MAP3K4: variants seen among roughly 807,000 people sequenced by gnomAD.
MAP3K4 encodes the protein MAP three kinase 1.
In MAP3K4, 67 loss-of-function variants were observed where a neutral mutation model predicts 185.6. The observed-to-expected ratio is 0.36, with a 90% CI of 0.30 to 0.44. The LOEUF (loss-of-function observed/expected upper bound fraction) is 0.44. MAP3K4 is among the 20% of genes least tolerant of loss of function. The probability of loss-of-function intolerance (pLI) is 1.00; values close to 1 mark genes in which losing one functional copy is unlikely to be tolerated. For missense variants in MAP3K4, 1,551 were observed against 1,995.1 expected, an observed-to-expected ratio of 0.78 and a Z score of 4.24; for synonymous variants, 702 against 710.4, an observed-to-expected ratio of 0.99 and a Z score of 0.19.
rs968439991 is a variant in MAP3K4 at position 161,116,184 on chromosome 6, A to G, written c.4807-666A>G. Among the ~76,000 whole-genome samples, 2 of 148,292 alleles carry G rather than the reference A, an allele frequency of 1.3e-5. No homozygotes were observed. The highest frequency in any genetic ancestry group is 4.9e-5 in the African/African-American group (2 of 40,880). On this transcript the variant is annotated intron_variant, in intron 26 of 26. Coordinates refer to ENST00000392142, the MANE Select transcript of MAP3K4 (RefSeq NM_005922.4). The surrounding 1 kb of genome is among the most constrained non-coding windows in gnomAD (Gnocchi z 6.2). ...GGTCACAGACTCTATTTGCCAGGGT[A>G]GGGAAAGAAGCAGCTGGGTGAGGGG...
chr6:161,105,359 A>G (rs757019200), intron 19 of MAP3K4, among the ~76,000 whole-genome samples: 1 of 152,248 alleles, frequency 6.6e-6, no homozygotes, highest in Non-Finnish European at 1.5e-5. Context: ...GTATTATTTC[A>G]TGAAATCCTC....
intron 3 of MAP3K4, among the ~76,000 whole-genome samples, chr6:161,052,994 A>G (rs1225359957): frequency 6.6e-6 from 1 of 152,202 alleles, no homozygotes; most frequent in East Asian, 1.9e-4. Flanking sequence ...GTGAGGCTGA[A>G]AAAGATAGGC....
At chr6:161,010,407 A>G (rs1781791089) in intron 1 of MAP3K4, among the ~76,000 whole-genome samples, 1 of 152,208 alleles carries the variant, frequency 6.6e-6, no homozygotes, top group South Asian at 2.1e-4. Context: ...AAATTATCCA[A>G]TTATCCCTAT....
Position 161,106,979 on chromosome 6 carries a change from T to C in MAP3K4, c.4048+274T>C, listed in dbSNP as rs73013366. Among the ~76,000 whole-genome samples the C allele has an allele frequency of 2.9e-3, 448 of 152,028 alleles. 2 individuals are homozygous for C. Among genetic ancestry groups the C allele is most frequent in the Non-Finnish European group, 4.6e-3 (316 of 67,984 alleles). On this transcript the variant is annotated intron_variant, in intron 20 of 26. Coordinates refer to ENST00000392142, the MANE Select transcript of MAP3K4 (RefSeq NM_005922.4). This position sits in a 1 kb window ranked among gnomAD's most constrained non-coding sequence, Gnocchi z 4.9. ...TTCTTTTGCTTAATAACCCTGGAAT[T>C]TGCCAGTGGAGAGGTACCAAAATTT...
intron 1 of MAP3K4, among the ~76,000 whole-genome samples, chr6:160,992,973 T>C (rs1022614594): frequency 6.6e-6 from 1 of 152,124 alleles, no homozygotes; most frequent in Non-Finnish European, 1.5e-5. Context: ...GTAATGAAAA[T>C]ACCTCGGCAG....
chr6:161,016,018 A>G (rs1347158652), intron 1 of MAP3K4, among the ~76,000 whole-genome samples: 1 of 152,222 alleles, frequency 6.6e-6, no homozygotes, highest in Non-Finnish European at 1.5e-5. Flanking sequence ...AAATTCATGT[A>G]TAATGATTTC....
At chr6:161,104,087 T>C (rs1401504421) in intron 19 of MAP3K4, among the ~76,000 whole-genome samples, 3 of 152,202 alleles carry the variant, frequency 2.0e-5, no homozygotes, top group African/African-American at 7.2e-5. Context: ...GGAATTATGT[T>C]TCTCTTGTGA....
At chr6:161,060,421 T>C (rs1287342259) in intron 3 of MAP3K4, among the ~76,000 whole-genome samples, 1 of 152,174 alleles carries the variant, frequency 6.6e-6, no homozygotes, top group African/African-American at 2.4e-5. Flanking sequence ...TCCATGGATG[T>C]CATTAATGTA....
At position 161,116,341 on chromosome 6, in the gene MAP3K4, GGT is replaced by G. The variant is rs1778591048; in HGVS notation, c.4807-505_4807-504del. Among the ~76,000 whole-genome samples the G allele has an allele frequency of 6.6e-6, 1 of 152,048 alleles. No individual in the cohort carries two copies. The highest frequency in any genetic ancestry group is 1.5e-5 in the Non-Finnish European group (1 of 68,000). On this transcript the variant is annotated intron_variant, in intron 26 of 26. Transcript: ENST00000392142. This position sits in a 1 kb window ranked among gnomAD's most constrained non-coding sequence, Gnocchi z 6.2. ...CAAGAGGGATTTTGGGTAGGGCACA[GGT>G]GTGGGAGACAGAAGTATTGCTGGGA...
rs1778415684 is a variant in MAP3K4 at position 161,112,893 on chromosome 6, A to G, written c.4626+119A>G. ...CTGTGGACACTAAATAGCGAACGAT[A>G]TTAGATACAAAAATCTGATCCATCA... On this transcript the variant is annotated intron_variant, in intron 25 of 26. Coordinates refer to ENST00000392142, the MANE Select transcript of MAP3K4 (RefSeq NM_005922.4). The surrounding 1 kb of genome is among the most constrained non-coding windows in gnomAD (Gnocchi z 5.1). 7.4e-6 allele frequency: 4 copies of G among 539,144 alleles called. No homozygotes were observed. In the East Asian group the frequency reaches 9.7e-5, roughly 13 times the overall value. 33.4% of individuals were successfully genotyped at this position (539,144 alleles called of 1,614,324 possible).
Position 161,111,854 on chromosome 6 carries a change from C to G in MAP3K4, c.4415C>G (p.Thr1472Ser). ...RDIKGANIFLTSSGLIKLGDF... is the reference protein window; with the variant it reads ...RDIKGANIFLSSSGLIKLGDF... ...TTTTTAGGTGCCAATATCTTCCTTA[C>G]CTCATCTGGATTAATCAAACTGGGA... The change falls in exon 24 of 27, where the codon ACC becomes AGC. Residue 1472 changes from threonine to serine, a missense_variant. Physicochemically the swap from Thr to Ser is moderately conservative, Grantham distance 58. Coordinates refer to ENST00000392142, the MANE Select transcript of MAP3K4 (RefSeq NM_005922.4). 1.2e-6 allele frequency: 2 copies of G among 1,613,380 alleles called. No homozygotes were observed. Among genetic ancestry groups the G allele is most frequent in the Non-Finnish European group, 1.7e-6 (2 of 1,179,598 alleles).
Position 161,089,414 on chromosome 6 carries a change from G to C in MAP3K4, c.2916G>C (p.Leu972=). ...FQQSIEGLMT[L]CQEQTSSQPV... ...AGTCCATTGAGGGACTTATGACTCTGTGCCAGGAGCAGACATCCAGTCAGC... is the reference window on the plus strand; with the variant it reads ...AGTCCATTGAGGGACTTATGACTCTCTGCCAGGAGCAGACATCCAGTCAGC... Residue 972 remains leucine (L), a synonymous_variant, in exon 11 of 27, where the codon CTG becomes CTC. Coordinates refer to ENST00000392142, the MANE Select transcript of MAP3K4 (RefSeq NM_005922.4). 3.7e-6 allele frequency: 6 copies of C among 1,614,198 alleles called. No homozygotes were observed. The highest frequency in any genetic ancestry group is 5.1e-6 in the Non-Finnish European group (6 of 1,180,032).
At chr6:161,003,557 C>T (rs1562474287) in intron 1 of MAP3K4, among the ~76,000 whole-genome samples, 1 of 152,150 alleles carries the variant, frequency 6.6e-6, no homozygotes, top group Non-Finnish European at 1.5e-5. Flanking sequence ...TGCAAGGTAC[C>T]TGGCATAGTC....
Position 161,007,254 on chromosome 6 carries a change from A to G in MAP3K4, c.152+15171A>G, listed in dbSNP as rs1416929395. ...TGGCATCAAAACAAAGGAAAAATAC[A>G]GTGGACAGTTAAGTAGACGATTTTA... On this transcript the variant is annotated intron_variant, in intron 1 of 26. Coordinates refer to ENST00000392142, the MANE Select transcript of MAP3K4 (RefSeq NM_005922.4). This position sits in a 1 kb window ranked among gnomAD's most constrained non-coding sequence, Gnocchi z 4.5. Among the ~76,000 whole-genome samples the G allele has an allele frequency of 2.0e-5, 3 of 152,208 alleles. No homozygotes were observed. The highest frequency in any genetic ancestry group is 1.3e-4 in the Admixed American group (2 of 15,276).
rs1410304223 is a variant in MAP3K4, at chr6:161,091,916, G to GT, written c.3136-89dup. 1 of 1,076,632 alleles carries GT rather than the reference G, an allele frequency of 9.3e-7. No individual in the cohort carries two copies. The highest frequency in any genetic ancestry group is 2.2e-5 in the Admixed American group (1 of 45,284). 66.7% of individuals were successfully genotyped at this position (1,076,632 alleles called of 1,614,324 possible). ...AAATTTTAATTGGATTTCACTTTTT[G>GT]TTTTTAGAAAACATTTTAGACATGG... On this transcript the variant is annotated intron_variant, in intron 12 of 26. Transcript: ENST00000392142. The surrounding 1 kb of genome is among the most constrained non-coding windows in gnomAD (Gnocchi z 5.5).
intron 2 of MAP3K4, among the ~76,000 whole-genome samples, chr6:161,047,537 A>T (rs1267785479): frequency 6.6e-6 from 1 of 152,196 alleles, no homozygotes; most frequent in Non-Finnish European, 1.5e-5. Context: ...CAATGAAATA[A>T]ACTATGCCTT....
At position 161,101,731 on chromosome 6, in the gene MAP3K4, A is replaced by G; in HGVS notation, c.3675-161A>G. On this transcript the variant is annotated intron_variant, in intron 17 of 26. Coordinates refer to ENST00000392142, the MANE Select transcript of MAP3K4 (RefSeq NM_005922.4). The surrounding 1 kb of genome is among the most constrained non-coding windows in gnomAD (Gnocchi z 5.1). ...TTTCCGCTGCCCACTAGATGCCAGT[A>G]GCACCCTCCCAAAAGTGTCTAATAC... 1 of 609,632 alleles carries G rather than the reference A, an allele frequency of 1.6e-6. No individual in the cohort carries two copies. Among genetic ancestry groups the G allele is most frequent in the Non-Finnish European group, 2.9e-6 (1 of 346,756 alleles). The allele number at this position is 609,632 out of a possible 1,614,324, so 37.8% of individuals were successfully genotyped here.
intron 1 of MAP3K4, among the ~76,000 whole-genome samples, chr6:161,028,938 C>G (rs533060526): frequency 7.6e-4 from 116 of 152,272 alleles, no homozygotes; most frequent in African/African-American, 2.6e-3. Flanking sequence ...TAAATTGGCT[C>G]TTGTAGTATG....
chr6:161,035,880 C>T (rs1783142793), intron 2 of MAP3K4, among the ~76,000 whole-genome samples: 1 of 152,130 alleles, frequency 6.6e-6, no homozygotes, highest in Non-Finnish European at 1.5e-5. Context: ...AACACAATTT[C>T]CCCATTTTAT....
Sources: allele counts gnomAD v4.1 joint callset (sites outside exome capture counted in the v4.1 genomes callset), GRCh38; gene constraint gnomAD v4.1.1; non-coding constraint Gnocchi (gnomAD v3.1); transcripts MANE v1.5; gene names NCBI Gene and HGNC (gene_info 2026-07-23, HGNC 2026-07-21).